SAMSN1: variants seen among roughly 807,000 people sequenced by gnomAD.
SAMSN1 encodes the protein SAM domain, SH3 domain and nuclear localization signals 1.
Under a neutral mutation model 42.0 loss-of-function variants are expected in SAMSN1, and 31 were observed. The observed-to-expected ratio is 0.74, with a 90% CI of 0.55 to 1.00. The LOEUF (loss-of-function observed/expected upper bound fraction) is 1.00, where lower values mean the gene tolerates loss of function less well. Ranked by LOEUF, SAMSN1 falls within the 50% of genes least tolerant of loss-of-function variation. The pLI is 0.00. For synonymous variants in SAMSN1, 178 were observed against 151.9 expected, an observed-to-expected ratio of 1.17 and a Z score of -1.26; for missense variants, 464 against 439.4, an observed-to-expected ratio of 1.06 and a Z score of -0.50.
intron 6 of SAMSN1, among the ~76,000 whole-genome samples, chr21:14,601,067 A>G (rs189118418): frequency 4.1e-4 from 62 of 152,326 alleles, no homozygotes; most frequent in African/African-American, 1.4e-3. Flanking sequence ...AGAGGCAGAG[A>G]GAGTCTAAGT....
intron 1 of SAMSN1, among the ~76,000 whole-genome samples, chr21:14,539,465 G>A (rs920420165): frequency 6.6e-5 from 10 of 152,046 alleles, no homozygotes; most frequent in Non-Finnish European, 1.5e-4. Flanking sequence ...CAAAATCAGT[G>A]TGCGAAAATC....
At chr21:14,562,216 A>G (rs990236433) in intron 2 of SAMSN1, among the ~76,000 whole-genome samples, 1 of 152,256 alleles carries the variant, frequency 6.6e-6, no homozygotes, top group African/African-American at 2.4e-5. Context: ...GCACTGGCTG[A>G]AATGTGGAGC....
At position 14,519,721 on chromosome 21, in the gene SAMSN1, G is replaced by A. The variant is rs565884171; in HGVS notation, c.129+1429C>T. On this transcript the variant is annotated intron_variant, in intron 2 of 7. Transcript: ENST00000400566. The stretch of plus-strand genomic sequence containing the variant: ...ATAGTTATATTTGAAAATAAGCATA[G>A]GATCTAAAAACCTATTGATCTAAAA... Among the ~76,000 whole-genome samples the A allele has an allele frequency of 2.6e-5, 4 of 151,944 alleles. No individual in the cohort carries two copies. In the South Asian group the frequency reaches 6.2e-4, roughly 24 times the overall value.
chr21:14,591,253 G>A (rs1982075657), intron 7 of SAMSN1: 1 of 152,038 alleles, frequency 6.6e-6, no homozygotes. Flanking sequence ...GTAATTGAAT[G>A]AATTAGTTAA....
intron 2 of SAMSN1, among the ~76,000 whole-genome samples, chr21:14,558,544 G>A (rs1467747628): frequency 6.6e-6 from 1 of 151,982 alleles, no homozygotes; most frequent in Non-Finnish European, 1.5e-5. Flanking sequence ...AGCCGGCCGT[G>A]GTGATGCATG....
At chr21:14,550,728 T>C (rs1980566760), upstream of SAMSN1, among the ~76,000 whole-genome samples, 1 of 152,086 alleles carries the variant, frequency 6.6e-6, no homozygotes, top group South Asian at 2.1e-4. Context: ...AAATTCATTT[T>C]ACCTCAAATA....
intron 4 of SAMSN1, among the ~76,000 whole-genome samples, chr21:14,511,070 C>T (rs1182456722): frequency 6.6e-6 from 1 of 152,156 alleles, no homozygotes; most frequent in Non-Finnish European, 1.5e-5. Context: ...GAATGGCTCC[C>T]AGTGGAAGTA....
intron 1 of SAMSN1, 94 bp from the exon 2 acceptor site, chr21:14,521,315 G>T (rs749680538): frequency 1.3e-6 from 1 of 787,732 alleles, no homozygotes; most frequent in Non-Finnish European, 2.0e-6. Flanking sequence ...AATAAGCACC[G>T]TCTCTTGCAA....
intron 1 of SAMSN1, among the ~76,000 whole-genome samples, chr21:14,540,912 A>T (rs1313817945): frequency 6.6e-6 from 1 of 152,222 alleles, no homozygotes. Context: ...GACTGGATTA[A>T]GAAAATGTGG....
At chr21:14,612,826 T>C (rs970834664) in intron 4 of SAMSN1, 3 of 685,502 alleles carry the variant, frequency 4.4e-6, no homozygotes, top group South Asian at 1.6e-5. Flanking sequence ...AAAGAACTTG[T>C]GGGGAGACAG....
chr21:14,657,251 G>A (rs1027538134), intron 1 of SAMSN1, among the ~76,000 whole-genome samples: 2 of 151,798 alleles, frequency 1.3e-5, no homozygotes, highest in Non-Finnish European at 2.9e-5. Context: ...CATAAACTTT[G>A]CAATGATTCA....
chr21:14,635,248 G>A (rs1322553635), intron 2 of SAMSN1, among the ~76,000 whole-genome samples: 1 of 152,128 alleles, frequency 6.6e-6, no homozygotes, highest in African/African-American at 2.4e-5. Flanking sequence ...TTAAAACTTA[G>A]ATGATGGGTT....
At chr21:14,576,513 C>A (rs951996812) in intron 2 of SAMSN1, among the ~76,000 whole-genome samples, 1 of 152,158 alleles carries the variant, frequency 6.6e-6, no homozygotes, top group Admixed American at 6.5e-5. Context: ...ATCCTAAGAG[C>A]ACTTTCCCAT....
chr21:14,598,428 G>T (rs181921097), intron 6 of SAMSN1: 88 of 152,262 alleles, frequency 5.8e-4, no homozygotes, highest in African/African-American at 2.0e-3. Context: ...AAAAATAAAT[G>T]CTGGGAGTCA....
At chr21:14,647,613 C>T (rs1983742677) in intron 1 of SAMSN1, among the ~76,000 whole-genome samples, 1 of 135,488 alleles carries the variant, frequency 7.4e-6, no homozygotes, top group Admixed American at 7.9e-5. Context: ...TCTTCCTAAC[C>T]ATGAGCATGG....
chr21:14,537,952 C>A (rs1979738660), intron 1 of SAMSN1, among the ~76,000 whole-genome samples: 1 of 152,250 alleles, frequency 6.6e-6, no homozygotes, highest in East Asian at 1.9e-4. Context: ...TCAAGTCAGC[C>A]TTGATGAACC....
intron 3 of SAMSN1, among the ~76,000 whole-genome samples, chr21:14,613,972 C>G (rs1016887447): frequency 4.6e-5 from 7 of 152,066 alleles, no homozygotes; most frequent in African/African-American, 1.4e-4. Flanking sequence ...GGAAATTCTT[C>G]AGGACACAGA....
At chr21:14,556,851 T>C (rs1477694535) in intron 2 of SAMSN1, among the ~76,000 whole-genome samples, 1 of 152,192 alleles carries the variant, frequency 6.6e-6, no homozygotes, top group Non-Finnish European at 1.5e-5. Context: ...TTCCATAACA[T>C]TTGCAGCCAT....
At chr21:14,489,397 T>TA (rs371189708) in intron 7 of SAMSN1, among the ~76,000 whole-genome samples, 27 of 151,158 alleles carry the variant, frequency 1.8e-4, no homozygotes, top group African/African-American at 6.6e-4. Context: ...AAAACACACA[T>TA]ACGCATATAA....
Sources: gnomAD v4.1 joint callset for allele counts (sites outside exome capture counted in the v4.1 genomes callset) on GRCh38, gnomAD v4.1.1 for gene constraint, MANE v1.5 for transcripts, NCBI Gene and HGNC (gene_info 2026-07-23, HGNC 2026-07-21) for gene names.